KCNH1: variants seen among roughly 807,000 people sequenced by gnomAD.
KCNH1 encodes voltage-gated delayed rectifier potassium channel KCNH1.
In KCNH1, 27 loss-of-function variants were observed where a neutral mutation model predicts 69.2. The ratio of observed to expected loss-of-function variants is 0.39; its 90% confidence interval spans 0.29 to 0.54. KCNH1 has a LOEUF of 0.54. Among genes scored for constraint, KCNH1 ranks in the 20% least tolerant of loss-of-function variants. The pLI, the probability that KCNH1 is intolerant of heterozygous loss-of-function variation, is 0.68. For missense variants in KCNH1, 798 were observed against 1,261.6 expected (o/e 0.63, Z 5.57); for synonymous variants, 456 against 487.7 (o/e 0.93, Z 0.86).
At chr1:210,816,698 G>GA (rs1355910538) in intron 7 of KCNH1, among the ~76,000 whole-genome samples, 6 of 152,150 alleles carry the variant, frequency 3.9e-5, no homozygotes, top group African/African-American at 1.4e-4. Flanking sequence ...GAGTCATCAA[G>GA]AGGAATCTAA....
chr1:210,846,183 G>A (rs567889549), intron 7 of KCNH1, among the ~76,000 whole-genome samples: 2 of 152,000 alleles, frequency 1.3e-5, no homozygotes, highest in African/African-American at 2.4e-5. Flanking sequence ...CAATGCCATC[G>A]CCATCAAGCT....
intron 9 of KCNH1, among the ~76,000 whole-genome samples, chr1:210,790,691 T>G (rs1684195757): frequency 6.6e-6 from 1 of 152,178 alleles, no homozygotes; most frequent in South Asian, 2.1e-4. Flanking sequence ...GCAGCCCTAC[T>G]CCTGTCTCCA....
At chr1:211,021,575 T>TACACAC (rs34414913) in intron 5 of KCNH1, among the ~76,000 whole-genome samples, 260 of 149,684 alleles carry the variant, frequency 1.7e-3, no homozygotes, top group African/African-American at 3.8e-3. Flanking sequence ...AAACATAGAC[T>TACACAC]ACACACACAC....
intron 7 of KCNH1, among the ~76,000 whole-genome samples, chr1:210,911,990 C>CA (rs1251725220): frequency 2.6e-5 from 4 of 152,100 alleles, no homozygotes; most frequent in Admixed American, 2.6e-4. Context: ...AAATAATCAA[C>CA]AAGGAAAGCA....
intron 7 of KCNH1, among the ~76,000 whole-genome samples, chr1:210,808,182 T>A (rs997873031): frequency 1.9e-4 from 29 of 152,366 alleles, no homozygotes; most frequent in African/African-American, 6.5e-4. Context: ...TGGGCAGTCC[T>A]GCTTCAGCTC....
intron 7 of KCNH1, among the ~76,000 whole-genome samples, chr1:210,850,732 C>A (rs1488578946): frequency 6.6e-6 from 1 of 152,142 alleles, no homozygotes. Context: ...AGAGGCAGAA[C>A]AATGCCACTC....
chr1:210,707,948 T>C (rs1273420289), intron 10 of KCNH1, among the ~76,000 whole-genome samples: 2 of 152,202 alleles, frequency 1.3e-5, no homozygotes, highest in Non-Finnish European at 2.9e-5. Flanking sequence ...CACTCTTAAG[T>C]GTGCTTTAGC....
chr1:211,100,238 C>T (rs1415851608), intron 3 of KCNH1, among the ~76,000 whole-genome samples: 2 of 152,120 alleles, frequency 1.3e-5, no homozygotes, highest in Admixed American at 6.6e-5. Flanking sequence ...TCACCTCCAC[C>T]GCCTTCTCCA....
intron 7 of KCNH1, among the ~76,000 whole-genome samples, chr1:210,892,406 C>T (rs1399359301): frequency 1.3e-5 from 2 of 152,028 alleles, no homozygotes; most frequent in East Asian, 3.9e-4. Context: ...GCACCTCATT[C>T]CTTCTTTCAG....
At chr1:211,118,868 C>T (rs903192496) in intron 1 of KCNH1, among the ~76,000 whole-genome samples, 14 of 152,300 alleles carry the variant, frequency 9.2e-5, no homozygotes, top group East Asian at 5.8e-4. Context: ...TTGGCAATTA[C>T]GCAGATAAAA....
chr1:210,690,810 C>T (rs1256545638), intron 10 of KCNH1, among the ~76,000 whole-genome samples: 1 of 152,198 alleles, frequency 6.6e-6, no homozygotes, highest in African/African-American at 2.4e-5. Flanking sequence ...GTGTGGCACC[C>T]TGGCCTGAAG....
chr1:210,822,382 C>G (rs968617608), intron 7 of KCNH1, among the ~76,000 whole-genome samples: 1 of 152,040 alleles, frequency 6.6e-6, no homozygotes, highest in Non-Finnish European at 1.5e-5. Flanking sequence ...GGCTAAGACA[C>G]TTAGATTTGC....
chr1:210,817,595 C>T (rs1558482179), intron 7 of KCNH1, among the ~76,000 whole-genome samples: 1 of 152,100 alleles, frequency 6.6e-6, no homozygotes. Flanking sequence ...CATCAAATGC[C>T]TCTCTAAACA....
intron 7 of KCNH1, among the ~76,000 whole-genome samples, chr1:210,918,356 C>G (rs2102559592): frequency 6.6e-6 from 1 of 152,322 alleles, no homozygotes; most frequent in African/African-American, 2.4e-5. Context: ...TCAGACCTGT[C>G]TAAACTGAAA....
intron 6 of KCNH1, among the ~76,000 whole-genome samples, chr1:210,982,247 T>TATTATA (rs1553367230): frequency 1.0e-4 from 11 of 108,276 alleles, no homozygotes; most frequent in African/African-American, 4.8e-4. Flanking sequence ...TTATTATTAT[T>TATTATA]ATAAAGTTTT....
chr1:210,779,430 C>A (rs1230700348), intron 9 of KCNH1, among the ~76,000 whole-genome samples: 1 of 152,142 alleles, frequency 6.6e-6, no homozygotes, highest in Non-Finnish European at 1.5e-5. Context: ...GGAGATAGAA[C>A]ATTTGGCAAG....
intron 1 of KCNH1, among the ~76,000 whole-genome samples, chr1:211,107,696 A>G (rs1191723024): frequency 1.3e-5 from 2 of 152,238 alleles, no homozygotes; most frequent in Non-Finnish European, 2.9e-5. Flanking sequence ...CTAATTTTTC[A>G]TCCCAGTGAA....
intron 5 of KCNH1, among the ~76,000 whole-genome samples, chr1:211,033,140 A>G (rs1362872423): frequency 6.6e-6 from 1 of 152,256 alleles, no homozygotes; most frequent in African/African-American, 2.4e-5. Flanking sequence ...ACATTTATGC[A>G]GCCAAAAGAC....
chr1:210,886,070 G>C (rs547524607), intron 7 of KCNH1, among the ~76,000 whole-genome samples: 1 of 152,268 alleles, frequency 6.6e-6, no homozygotes, highest in Admixed American at 6.5e-5. Flanking sequence ...CTACTCATGT[G>C]GGTCCCTGAC....
Sources: allele counts gnomAD v4.1 joint callset (sites outside exome capture counted in the v4.1 genomes callset), GRCh38; gene constraint gnomAD v4.1.1; transcripts MANE v1.5; gene names NCBI Gene and HGNC (gene_info 2026-07-23, HGNC 2026-07-21).